Variants in CYB5A observed in about 807,000 individuals in gnomAD.
The protein encoded by CYB5A is cytochrome b5 type A.
CYB5A carries 10 observed loss-of-function variants against 16.2 expected under a neutral mutation model. The observed-to-expected ratio is 0.62, with a 90% CI of 0.38 to 1.04. The LOEUF (loss-of-function observed/expected upper bound fraction) is 1.04, where lower values mean the gene tolerates loss of function less well. Among genes scored for constraint, CYB5A ranks in the 50% least tolerant of loss-of-function variants. The pLI is 0.01. For synonymous variants in CYB5A, 62 were observed against 57.0 expected, an observed-to-expected ratio of 1.09 and a Z score of -0.40; for missense variants, 161 against 165.9, an observed-to-expected ratio of 0.97 and a Z score of 0.16.
chr18:74,286,613 T>C (rs373855707), intron 1 of CYB5A, among the ~76,000 whole-genome samples: 1 of 152,202 alleles, frequency 6.6e-6, no homozygotes, highest in Non-Finnish European at 1.5e-5. Context: ...AATACCTGAC[T>C]TGCCCAAGGT....
intron 3 of CYB5A, chr18:74,256,301 C>CG (rs914334238): frequency 2.4e-5 from 4 of 167,916 alleles, no homozygotes; most frequent in African/African-American, 2.4e-5. Flanking sequence ...CCAACTTTCC[C>CG]GGGGGGCTGC....
intron 1 of CYB5A, among the ~76,000 whole-genome samples, chr18:74,287,035 G>A (rs912945496): frequency 6.6e-6 from 1 of 152,104 alleles, no homozygotes; most frequent in African/African-American, 2.4e-5. Context: ...AAGCCTCACG[G>A]GTTCACATTC....
chr18:74,267,756 C>T (rs961481893), intron 1 of CYB5A, among the ~76,000 whole-genome samples: 8 of 152,164 alleles, frequency 5.3e-5, no homozygotes, highest in Non-Finnish European at 1.0e-4. Flanking sequence ...GTGAAATTCT[C>T]CCAAAGAGCC....
intron 1 of CYB5A, among the ~76,000 whole-genome samples, chr18:74,283,570 C>T (rs1983199914): frequency 6.6e-6 from 1 of 152,170 alleles, no homozygotes; most frequent in East Asian, 1.9e-4. Context: ...ATTAACTTTC[C>T]AAGGGTTTTG....
intron 1 of CYB5A, among the ~76,000 whole-genome samples, chr18:74,273,671 C>T (rs994254351): frequency 1.3e-5 from 2 of 152,184 alleles, no homozygotes; most frequent in African/African-American, 2.4e-5. Context: ...TAAGGATTTG[C>T]TTTAAACTGA....
intron 1 of CYB5A, among the ~76,000 whole-genome samples, chr18:74,277,235 A>G (rs942053047): frequency 1.3e-5 from 2 of 152,220 alleles, no homozygotes; most frequent in Non-Finnish European, 2.9e-5. Context: ...TTTTTCTAAG[A>G]CGGGAAAGGG....
In CYB5A at chr18:74,276,563, C is replaced by CACA. The variant is rs1555689979; in HGVS notation, c.130-13087_130-13086insTGT. Among the ~76,000 whole-genome samples the CACA allele has an allele frequency of 1.0e-4, 15 of 149,734 alleles. No homozygotes were observed. The East Asian group carries it at 1.4e-3, about 14-fold the overall frequency. On this transcript the variant is annotated intron_variant, in intron 1 of 4. Coordinates refer to ENST00000340533, the MANE Select transcript of CYB5A (RefSeq NM_148923.4). ...ACACACACACACACACACACACACA[C>CACA]CCTTCTGTCAGGGTTCCACTTGACT...
chr18:74,272,582 C>A (rs1343375512), intron 1 of CYB5A, among the ~76,000 whole-genome samples: 1 of 152,168 alleles, frequency 6.6e-6, no homozygotes, highest in Non-Finnish European at 1.5e-5. Context: ...AGAACACTTG[C>A]AAGCAGAGTT....
chr18:74,290,365 CT>C (rs1983485444), intron 1 of CYB5A, among the ~76,000 whole-genome samples: 1 of 152,152 alleles, frequency 6.6e-6, no homozygotes, highest in Admixed American at 6.5e-5. Context: ...CTGTCTCAGC[CT>C]CCCGAGTAGC....
chr18:74,266,543 C>T (rs1000649176), intron 1 of CYB5A, among the ~76,000 whole-genome samples: 2 of 152,186 alleles, frequency 1.3e-5, no homozygotes, highest in Non-Finnish European at 2.9e-5. Context: ...ATACAGAATT[C>T]TGATCTTTAC....
At position 74,291,801 on chromosome 18, in the gene CYB5A, G is replaced by A. The variant is rs747772941; in HGVS notation, c.75C>T (p.Ser25=). The change falls in exon 1 of 5, where the codon AGC becomes AGT. Residue 25 remains serine (S), a synonymous_variant. Transcript: ENST00000340533. The part of the protein sequence containing the change: ...EEIQKHNHSK[S]TWLILHHKVY... ...CCTTGTGGTGCAGGATCAGCCAGGT[G>A]CTCTTGCTGTGGTTGTGCTTCTGAA... The A allele has an allele frequency of 2.5e-6, 4 of 1,613,860 alleles. No homozygotes were observed. The highest frequency in any genetic ancestry group is 1.3e-5 in the African/African-American group (1 of 75,026).
At chr18:74,263,163 A>T (rs1982279947) in intron 2 of CYB5A, among the ~76,000 whole-genome samples, 186 bp downstream of exon 2, 1 of 151,876 alleles carries the variant, frequency 6.6e-6, no homozygotes, top group African/African-American at 2.4e-5. Flanking sequence ...AAAAAAAAAA[A>T]AGCAACAGTG....
chr18:74,283,958 C>T (rs185324780), intron 1 of CYB5A, among the ~76,000 whole-genome samples: 2 of 152,112 alleles, frequency 1.3e-5, no homozygotes, highest in Non-Finnish European at 2.9e-5. Flanking sequence ...ACAGGCCGGG[C>T]GCAGTGGCTC....
At chr18:74,265,211 T>C (rs1357060153) in intron 1 of CYB5A, among the ~76,000 whole-genome samples, 1 of 151,442 alleles carries the variant, frequency 6.6e-6, no homozygotes, top group Non-Finnish European at 1.5e-5. Flanking sequence ...ACATCCACTC[T>C]TTTTTTTTCT....
At chr18:74,260,630 T>C in intron 3 of CYB5A, 2 of 471,326 alleles carry the variant, frequency 4.2e-6, no homozygotes, top group Non-Finnish European at 8.0e-6. Flanking sequence ...CAGAAGCACG[T>C]GCTACCATAA....
chr18:74,285,962 AG>A (rs1983304219), intron 1 of CYB5A, among the ~76,000 whole-genome samples: 1 of 152,172 alleles, frequency 6.6e-6, no homozygotes, highest in South Asian at 2.1e-4. Context: ...GGAAGGAAAG[AG>A]GATTCCGTAT....
At chr18:74,273,111 G>A (rs1982734244) in intron 1 of CYB5A, among the ~76,000 whole-genome samples, 1 of 152,164 alleles carries the variant, frequency 6.6e-6, no homozygotes, top group Non-Finnish European at 1.5e-5. Context: ...ACACAAAAAT[G>A]AAAGGAACAC....
chr18:74,281,974 G>A (rs1790825), intron 1 of CYB5A, among the ~76,000 whole-genome samples: 1 of 151,992 alleles, frequency 6.6e-6, no homozygotes, highest in African/African-American at 2.4e-5. Flanking sequence ...AAGGGGAACA[G>A]GATCTCAGGC....
chr18:74,258,044 C>A (rs1437767331), intron 3 of CYB5A: 1 of 152,174 alleles, frequency 6.6e-6, no homozygotes, highest in Non-Finnish European at 1.5e-5. Flanking sequence ...GAATCAGAGT[C>A]ATCTCATTTA....
Sources: allele counts gnomAD v4.1 joint callset (sites outside exome capture counted in the v4.1 genomes callset), GRCh38; gene constraint gnomAD v4.1.1; transcripts MANE v1.5; gene names NCBI Gene and HGNC (gene_info 2026-07-23, HGNC 2026-07-21).